The following NAP1L1 variants were observed in gnomAD, a reference collection of about 807,000 sequenced individuals.
NAP1L1 encodes nucleosome assembly protein 1 like 1, also known as nucleosome assembly protein 1-like 1.
NAP1L1 carries 9 observed loss-of-function variants against 58.9 expected under a neutral mutation model. The ratio of observed to expected loss-of-function variants is 0.15; its 90% CI spans 0.09 to 0.27. The LOEUF (loss-of-function observed/expected upper bound fraction) is 0.27. Ranked by LOEUF, NAP1L1 falls within the 10% of genes least tolerant of loss-of-function variation. NAP1L1 has a pLI of 1.00. For missense variants in NAP1L1, 302 were observed against 458.8 expected, an observed-to-expected ratio of 0.66 and a Z score of 3.12; for synonymous variants, 130 against 138.3, an observed-to-expected ratio of 0.94 and a Z score of 0.42.
chr12:76,052,287 A>G (rs1279845498), intron 11 of NAP1L1, among the ~76,000 whole-genome samples: 1 of 152,124 alleles, frequency 6.6e-6, no homozygotes, highest in African/African-American at 2.4e-5. Flanking sequence ...CCCAAACTTG[A>G]ACACAAACTC....
intron 2 of NAP1L1, 30 bp downstream of exon 2, chr12:76,074,173 C>T (rs1258385336): frequency 9.1e-6 from 14 of 1,541,208 alleles, no homozygotes; most frequent in Non-Finnish European, 1.3e-5. Context: ...TGCCAAATCT[C>T]TGAAAAAGAA....
rs1160103372 is a variant in NAP1L1, at chr12:76,043,921, C to G, written c.*4508G>C. 6.6e-6 allele frequency: 1 copy of G among 151,748 alleles called. No individual in the cohort carries two copies. The highest frequency in any genetic ancestry group is 6.6e-5 in the Admixed American group (1 of 15,248). The allele number at this position is 151,748 out of a possible 1,614,324, so 9.4% of individuals were successfully genotyped here. ...AGACCTTCAACTCTGGATATGAGAT[C>G]TGTCGACTTCTGGCACTCACGTTTA... On this transcript the variant is annotated 3_prime_UTR_variant, in exon 15 of 15. Coordinates refer to ENST00000618691, the MANE Select transcript of NAP1L1 (RefSeq NM_004537.7).
intron 6 of NAP1L1, chr12:76,058,194 C>T (rs866394922): frequency 0.017 from 6,248 of 370,706 alleles, 683 homozygotes; most frequent in African/African-American, 0.14. Flanking sequence ...GAGAGGCCTA[C>T]ATATATATAT....
At chr12:76,065,467 T>C (rs558579087) in intron 4 of NAP1L1, among the ~76,000 whole-genome samples, 40 of 151,252 alleles carry the variant, frequency 2.6e-4, no homozygotes, top group African/African-American at 9.5e-4. Flanking sequence ...ATCTTGTGAC[T>C]GGGGGGCAAA....
chr12:76,076,590 A>ATATATATATCTATC (rs1555186511), intron 1 of NAP1L1, among the ~76,000 whole-genome samples: 1 of 137,934 alleles, frequency 7.2e-6, no homozygotes, highest in African/African-American at 2.8e-5. Context: ...ATATATATAT[A>ATATATATATCTATC]TATCTCCACT....
At chr12:76,059,171 T>C (rs182713498) in intron 6 of NAP1L1, among the ~76,000 whole-genome samples, 190 of 152,360 alleles carry the variant, frequency 1.2e-3, no homozygotes, top group Non-Finnish European at 1.9e-3. Context: ...AAGGAAGTGA[T>C]GGTGCACTGT....
intron 1 of NAP1L1, among the ~76,000 whole-genome samples, chr12:76,074,784 T>C (rs143900392): frequency 8.5e-5 from 13 of 152,228 alleles, no homozygotes; most frequent in East Asian, 1.9e-4. Flanking sequence ...CTGGATCAAA[T>C]AGCCATTTAG....
In NAP1L1 at chr12:76,055,048, C is replaced by T; in HGVS notation, c.601G>A (p.Val201Met). 1.2e-6 allele frequency: 2 copies of T among 1,606,204 alleles called. No individual in the cohort carries two copies. Among genetic ancestry groups the T allele is most frequent in the Non-Finnish European group, 1.7e-6 (2 of 1,177,404 alleles). Residue 201 changes from valine (V) to methionine (M), a missense_variant, in exon 8 of 15, where the codon GTG becomes ATG. Val to Met is a conservative substitution (Grantham distance 21). Coordinates refer to ENST00000618691, the MANE Select transcript of NAP1L1 (RefSeq NM_004537.7). ...GGCTGGCCAGCATCTGAGAACTTCACTTTAATATCTTTCAAGTGCTTCAGA... is the reference window on the plus strand; with the variant it reads ...GGCTGGCCAGCATCTGAGAACTTCATTTTAATATCTTTCAAGTGCTTCAGA... ...PILKHLKDIK[V>M]KFSDAGQPMS... is the part of the protein sequence containing the mutation.
intron 1 of NAP1L1, among the ~76,000 whole-genome samples, chr12:76,076,898 T>C (rs966734118): frequency 1.3e-5 from 2 of 152,150 alleles, no homozygotes; most frequent in Admixed American, 6.6e-5. Context: ...GTGACTGTAT[T>C]GAATACCATA....
intron 1 of NAP1L1, 194 bp from the exon 2 acceptor site, chr12:76,074,433 A>C: frequency 1.1e-6 from 1 of 875,108 alleles, no homozygotes; most frequent in Non-Finnish European, 1.4e-6. Flanking sequence ...ACCAAAAATA[A>C]TTTTTCAGAG....
rs1948950701 is a variant in NAP1L1, at chr12:76,053,799, A to G, written c.741T>C (p.Phe247=). 1 of 1,609,500 alleles carries G rather than the reference A, an allele frequency of 6.2e-7. No homozygotes were observed. The highest frequency in any genetic ancestry group is 1.3e-5 in the African/African-American group (1 of 74,644). ...SEPDDSDPFS[F]DGPEIMGCTG... is the part of the protein sequence containing the mutation. ...TACAACCCATAATTTCTGGTCCATCAAAAGAAAAGGGATCAGAATCATCTG... is the reference window on the plus strand; with the variant it reads ...TACAACCCATAATTTCTGGTCCATCGAAAGAAAAGGGATCAGAATCATCTG... The change falls in exon 9 of 15, where the codon TTT becomes TTC. Residue 247 remains phenylalanine, a synonymous_variant. Transcript: ENST00000618691.
intron 6 of NAP1L1, chr12:76,056,961 A>C: frequency 4.1e-6 from 1 of 243,702 alleles, no homozygotes; most frequent in Non-Finnish European, 8.3e-6. Context: ...CAATAAGCCG[A>C]GACTGCACTC....
At position 76,045,770 on chromosome 12, in the gene NAP1L1, C is replaced by T. The variant is rs952350871; in HGVS notation, c.*2659G>A. ...GGAACACTTACCCTACTTGAGTGAC[C>T]ATAAAGCAAACAACTCTAAAATTTT... On this transcript the variant is annotated 3_prime_UTR_variant, in exon 15 of 15. Transcript: ENST00000618691. 1.3e-4 allele frequency: 19 copies of T among 151,938 alleles called. No homozygotes were observed. Among genetic ancestry groups the T allele is most frequent in the African/African-American group, 4.3e-4 (18 of 41,406 alleles). The allele number at this position is 151,938 out of a possible 1,614,324, so 9.4% of individuals were successfully genotyped here.
At chr12:76,049,865 ATAAAC>A (rs1365480055) in intron 12 of NAP1L1, 80 bp from the exon 13 acceptor site, 1 of 1,480,002 alleles carries the variant, frequency 6.8e-7, no homozygotes, top group Non-Finnish European at 9.4e-7. Context: ...TTATCACTGT[ATAAAC>A]TAGTGTCTAA....
chr12:76,053,549 T>C (rs138447651), intron 9 of NAP1L1, among the ~76,000 whole-genome samples, 199 bp from the exon 10 acceptor site: 26 of 152,110 alleles, frequency 1.7e-4, no homozygotes, highest in Non-Finnish European at 2.8e-4. Context: ...CACAAACACA[T>C]AGTATAATTT....
In NAP1L1 at chr12:76,052,084, T is replaced by A. The variant is rs943134754; in HGVS notation, c.936+1007A>T. Among the ~76,000 whole-genome samples, 4 of 152,080 alleles carry A rather than the reference T, an allele frequency of 2.6e-5. No homozygotes were observed. The East Asian group carries it at 7.7e-4, about 29-fold the overall frequency. On this transcript the variant is annotated intron_variant, in intron 11 of 14. Transcript: ENST00000618691. ...ATACTAAACAATGATACAAGTTCTA[T>A]GATACTAAACAATGAGCACACCCTC...
In NAP1L1 at chr12:76,047,013, CCACA is replaced by C. The variant is rs997580468; in HGVS notation, c.*1412_*1415del. 3 of 152,378 alleles carry C rather than the reference CCACA, an allele frequency of 2.0e-5. No individual in the cohort carries two copies. Among genetic ancestry groups the C allele is most frequent in the African/African-American group, 7.2e-5 (3 of 41,418 alleles). 9.4% of individuals were successfully genotyped at this position (152,378 alleles called of 1,614,324 possible). A position where few individuals can be genotyped will look rare whatever the true frequency, so the allele number is the denominator to read the frequency against. ...CCCTCCACTTCTATAAAAATAGGAG[CCACA>C]CAAAGATCTAAAAAGAGTGCTGACT... On this transcript the variant is annotated 3_prime_UTR_variant, in exon 15 of 15. Coordinates refer to ENST00000618691, the MANE Select transcript of NAP1L1 (RefSeq NM_004537.7).
In NAP1L1 at chr12:76,056,429, G is replaced by A. The variant is rs538774704; in HGVS notation, c.430-268C>T. On this transcript the variant is annotated intron_variant, in intron 6 of 14. Coordinates refer to ENST00000618691, the MANE Select transcript of NAP1L1 (RefSeq NM_004537.7). ...AAAAATGTAAAAACTAATTAAAAATGAAGACTTAAGCATAATAAACAAGAA... is the reference window on the plus strand; with the variant it reads ...AAAAATGTAAAAACTAATTAAAAATAAAGACTTAAGCATAATAAACAAGAA... 2.0e-4 allele frequency: 75 copies of A among 370,034 alleles called. 1 individual carries two copies. The highest frequency in any genetic ancestry group is 1.8e-3 in the Admixed American group (43 of 23,682). The allele number at this position is 370,034 out of a possible 1,614,324, so 22.9% of individuals were successfully genotyped here.
At chr12:76,048,971 A>T in intron 14 of NAP1L1, 1 of 545,332 alleles carries the variant, frequency 1.8e-6, no homozygotes, top group Non-Finnish European at 3.2e-6. Flanking sequence ...ACTGTACCTG[A>T]AACTATAAAA....
Sources: gnomAD v4.1 joint callset for allele counts (sites outside exome capture counted in the v4.1 genomes callset) on GRCh38, gnomAD v4.1.1 for gene constraint, MANE v1.5 for transcripts, NCBI Gene and HGNC (gene_info 2026-07-23, HGNC 2026-07-21) for gene names.